SAMD7: variants seen among roughly 807,000 people sequenced by gnomAD.
SAMD7 encodes the protein sterile alpha motif domain containing 7.
SAMD7 carries 34 observed loss-of-function variants against 36.7 expected under a neutral mutation model. The ratio of observed to expected loss-of-function variants is 0.93; its 90% CI spans 0.71 to 1.23. The LOEUF is 1.23. Among genes scored for constraint, SAMD7 ranks in the 50% most tolerant of loss-of-function variants. The probability of loss-of-function intolerance (pLI) is 0.00; values close to 1 mark genes in which losing one functional copy is unlikely to be tolerated. For synonymous variants in SAMD7, 188 were observed against 189.7 expected (o/e 0.99, Z 0.07); for missense variants, 570 against 546.6 (o/e 1.04, Z -0.43).
At chr3:169,926,016 G>A (rs757835080) in intron 5 of SAMD7, among the ~76,000 whole-genome samples, 27 of 152,176 alleles carry the variant, frequency 1.8e-4, no homozygotes, top group Non-Finnish European at 3.1e-4. Flanking sequence ...TATGGCCCCA[G>A]GGTAAGAGAA....
At chr3:169,931,936 T>G in intron 7 of SAMD7, 1 of 338,360 alleles carries the variant, frequency 3.0e-6, no homozygotes, top group African/African-American at 2.2e-5. Flanking sequence ...CCATTACCAC[T>G]GCCTCTCCTT....
chr3:169,938,253 G>A, intron 8 of SAMD7, 65 bp from the exon 9 acceptor site: 1 of 1,073,338 alleles, frequency 9.3e-7, no homozygotes, highest in Non-Finnish European at 1.4e-6. Context: ...TGTGATGTGT[G>A]TTTAATGCTG....
At chr3:169,928,765 A>G (rs1446825917) in intron 7 of SAMD7, among the ~76,000 whole-genome samples, 187 bp downstream of exon 7, 2 of 152,216 alleles carry the variant, frequency 1.3e-5, no homozygotes, top group Admixed American at 1.3e-4. Context: ...CCCACACCCC[A>G]GCATCAGGGG....
chr3:169,935,535 T>C (rs1413500165), intron 7 of SAMD7, among the ~76,000 whole-genome samples: 2 of 152,136 alleles, frequency 1.3e-5, no homozygotes, highest in African/African-American at 4.8e-5. Context: ...TTTTTTTAGT[T>C]AGGAAGCGCT....
At chr3:169,919,692 T>A in intron 3 of SAMD7, 108 bp downstream of exon 3, 2 of 907,438 alleles carry the variant, frequency 2.2e-6, no homozygotes, top group Non-Finnish European at 3.6e-6. Flanking sequence ...ATTATTTCAG[T>A]GAACTGTGGT....
intron 7 of SAMD7, among the ~76,000 whole-genome samples, chr3:169,934,588 T>C (rs1713649458): frequency 6.6e-6 from 1 of 152,138 alleles, no homozygotes; most frequent in South Asian, 2.1e-4. Context: ...CCACATGGTA[T>C]GGGGACAGAA....
chr3:169,928,636 C>T lies in SAMD7; in HGVS notation c.1041+58C>T, dbSNP rs961450470. On this transcript the variant is annotated intron_variant, in intron 7 of 8. Transcript: ENST00000335556. ...AAAACAGTTTGAAATATCTTTCCTGCATAATGAATTAGGTCAAACTTGCAT... is the reference window on the plus strand; with the variant it reads ...AAAACAGTTTGAAATATCTTTCCTGTATAATGAATTAGGTCAAACTTGCAT... 3 of 1,555,220 alleles carry T rather than the reference C, an allele frequency of 1.9e-6. No homozygotes were observed. The South Asian group carries it at 3.5e-5, about 18-fold the overall frequency.
At chr3:169,933,275 T>C (rs1576838249) in intron 7 of SAMD7, 2 of 471,576 alleles carry the variant, frequency 4.2e-6, no homozygotes, top group East Asian at 8.8e-5. Context: ...TTTACAAAGA[T>C]AGAGAAGCAG....
At chr3:169,928,319 C>T (rs1713356082) in intron 6 of SAMD7, 138 bp from the exon 7 acceptor site, 1 of 608,186 alleles carries the variant, frequency 1.6e-6, no homozygotes, top group Middle Eastern at 2.7e-4. Flanking sequence ...TTTTAGAAAA[C>T]ATCTCCTAGT....
At chr3:169,930,738 C>T (rs914707529) in intron 7 of SAMD7, among the ~76,000 whole-genome samples, 5 of 151,986 alleles carry the variant, frequency 3.3e-5, no homozygotes, top group South Asian at 2.1e-4. Flanking sequence ...CACACCACCA[C>T]GCCTGGCTAA....
chr3:169,932,748 C>T, intron 7 of SAMD7: 1 of 531,812 alleles, frequency 1.9e-6, no homozygotes, highest in Admixed American at 2.2e-5. Context: ...GGCAAATTGG[C>T]CAGGTGGGAG....
rs1713296807 is a variant in SAMD7, at chr3:169,927,056, C to T, written c.794C>T (p.Ser265Phe). ...CCCACCCATAGGAAACCCTGGGGGT[C>T]TCACACCACTACCCTGAAAGCAAAG... The part of the protein sequence containing the change: ...LEPTHRKPWG[S>F]HTTTLKAKAW... The change falls in exon 6 of 9, where the codon TCT (serine) becomes TTT (phenylalanine). Residue 265 changes from serine (S) to phenylalanine (F), a missense_variant. Physicochemically the swap from Ser to Phe is radical, Grantham distance 155. Transcript: ENST00000335556. 2.5e-6 allele frequency: 4 copies of T among 1,612,380 alleles called. No homozygotes were observed. The highest frequency in any genetic ancestry group is 2.5e-6 in the Non-Finnish European group (3 of 1,179,528).
chr3:169,934,751 A>G (rs1713656396), intron 7 of SAMD7, among the ~76,000 whole-genome samples: 1 of 152,220 alleles, frequency 6.6e-6, no homozygotes, highest in Non-Finnish European at 1.5e-5. Flanking sequence ...AGCCTTCAGC[A>G]TATACAGCCC....
chr3:169,928,925 C>A (rs1287040830), intron 7 of SAMD7, among the ~76,000 whole-genome samples: 1 of 152,194 alleles, frequency 6.6e-6, no homozygotes, highest in Non-Finnish European at 1.5e-5. Context: ...ATCCACATAG[C>A]AAACATTTTT....
At chr3:169,913,737 GACCTTAGTTT>G (rs1236794830) in intron 1 of SAMD7, among the ~76,000 whole-genome samples, 1 of 152,188 alleles carries the variant, frequency 6.6e-6, no homozygotes, top group Non-Finnish European at 1.5e-5. Context: ...ACTGCAAAGT[GACCTTAGTTT>G]ACAATTTGTC....
Position 169,933,840 on chromosome 3 carries a change from C to T in SAMD7, c.1042-2499C>T, listed in dbSNP as rs541264705. The stretch of plus-strand genomic sequence containing the variant: ...GAGTGATCCCACATCCATACGAGCA[C>T]GTTGTGAAAGGCGGGTACAGAGCAT... On this transcript the variant is annotated intron_variant, in intron 7 of 8. Coordinates refer to ENST00000335556, the MANE Select transcript of SAMD7 (RefSeq NM_001304366.2). 7.9e-5 allele frequency among the ~76,000 whole-genome samples: 12 copies of T among 152,230 alleles called. No individual in the cohort carries two copies. In the East Asian group the frequency reaches 1.5e-3, roughly 20 times the overall value.
chr3:169,928,682 C>T (rs2108263074), intron 7 of SAMD7, 104 bp downstream of exon 7: 3 of 1,188,580 alleles, frequency 2.5e-6, no homozygotes, highest in South Asian at 2.9e-5. Context: ...GAAAGGATTC[C>T]TACTAATCTC....
chr3:169,938,766 G>A lies in SAMD7; in HGVS notation c.*260G>A, dbSNP rs543161957. On this transcript the variant is annotated 3_prime_UTR_variant, in exon 9 of 9. Coordinates refer to ENST00000335556, the MANE Select transcript of SAMD7 (RefSeq NM_001304366.2). The stretch of plus-strand genomic sequence containing the variant: ...TACAAACATCAAGAAAGCTGCAGAT[G>A]GATGTTTCCATGAAGAAATCTCTGA... The A allele has an allele frequency of 3.0e-4, 97 of 326,432 alleles. 1 individual carries two copies. The highest frequency in any genetic ancestry group is 1.9e-3 in the African/African-American group (91 of 47,248). The allele number at this position is 326,432 out of a possible 1,614,324, so 20.2% of individuals were successfully genotyped here.
intron 7 of SAMD7, chr3:169,933,243 T>C (rs1713587924): frequency 7.5e-6 from 4 of 536,330 alleles, no homozygotes; most frequent in South Asian, 6.1e-5. Flanking sequence ...TAACTCTCAA[T>C]AAAAAATAAG....
Sources: gnomAD v4.1 joint callset for allele counts (sites outside exome capture counted in the v4.1 genomes callset) on GRCh38, gnomAD v4.1.1 for gene constraint, MANE v1.5 for transcripts, NCBI Gene and HGNC (gene_info 2026-07-23, HGNC 2026-07-21) for gene names.